The following SVEP1 variants were observed in gnomAD, a reference collection of about 807,000 sequenced individuals.
The protein encoded by SVEP1 is sushi, von Willebrand factor type A, EGF and pentraxin domain containing 1, also known as sushi, von Willebrand factor type A, EGF and pentraxin domain-containing protein 1.
Under a neutral mutation model 367.3 loss-of-function variants are expected in SVEP1, and 164 were observed. That is an observed-to-expected ratio of 0.45 (90% CI 0.39 to 0.51). The LOEUF is 0.51. Among genes scored for constraint, SVEP1 ranks in the 20% least tolerant of loss-of-function variants. The pLI, the probability that SVEP1 is intolerant of heterozygous loss-of-function variation, is 0.00. For synonymous variants in SVEP1, 1,666 were observed against 1,611.6 expected (o/e 1.03, Z -0.81); for missense variants, 4,117 against 4,425.3 (o/e 0.93, Z 1.98).
In SVEP1 at chr9:110,389,829, T is replaced by C. The variant is rs528029952; in HGVS notation, c.9823-242A>G. Among the ~76,000 whole-genome samples, 4 of 141,336 alleles carry C rather than the reference T, an allele frequency of 2.8e-5. No individual in the cohort carries two copies. In the East Asian group the frequency reaches 1.2e-3, roughly 42 times the overall value. The allele number at this position is 141,336 out of a possible 152,430, so 92.7% of individuals were successfully genotyped here. A position where few individuals can be genotyped will look rare whatever the true frequency, so the allele number is the denominator to read the frequency against. ...TAAGGTACAGACTTTGCTTCACCTT[T>C]TATTTTAAACGGCAACTAATTATAA... On this transcript the variant is annotated intron_variant, in intron 40 of 47. Transcript: ENST00000374469.
chr9:110,406,375 G>C lies in SVEP1; in HGVS notation c.9225C>G (p.Ile3075Met). The change falls in exon 38 of 48, where the codon ATC becomes ATG. Residue 3075 changes from isoleucine (I) to methionine (M), a missense_variant. By Grantham distance (10) the Ile-to-Met change is conservative. Transcript: ENST00000374469. Reference protein sequence around the residue: ...GSLPMIPNAFISETSSWKENV... With the variant: ...GSLPMIPNAFMSETSSWKENV... ...TTTCCTTCCAAGAGCTGGTCTCACT[G>C]ATGAACGCATTTGGTATCATTGGAA... The C allele has an allele frequency of 6.2e-7, 1 of 1,614,078 alleles. No individual in the cohort carries two copies. The highest frequency in any genetic ancestry group is 8.5e-7 in the Non-Finnish European group (1 of 1,179,906).
chr9:110,522,722 A>T (rs1171707279), intron 3 of SVEP1, among the ~76,000 whole-genome samples: 1 of 152,164 alleles, frequency 6.6e-6, no homozygotes, highest in East Asian at 1.9e-4. Context: ...TTTGGGTCCT[A>T]TAAAGAGTGG....
At chr9:110,525,460 ATTG>A (rs1829929059) in intron 3 of SVEP1, among the ~76,000 whole-genome samples, 1 of 152,210 alleles carries the variant, frequency 6.6e-6, no homozygotes, top group Non-Finnish European at 1.5e-5. Context: ...ATGTTTGTGG[ATTG>A]GAAAGTTCAA....
At chr9:110,473,296 TA>T (rs950938367) in intron 14 of SVEP1, among the ~76,000 whole-genome samples, 1 of 151,974 alleles carries the variant, frequency 6.6e-6, no homozygotes, top group South Asian at 2.1e-4. Context: ...GTAGCTGTTA[TA>T]AAAAAAATGA....
intron 14 of SVEP1, 168 bp downstream of exon 14, chr9:110,476,036 T>C (rs1212652900): frequency 2.0e-6 from 1 of 501,478 alleles, no homozygotes; most frequent in African/African-American, 2.0e-5. Flanking sequence ...TAAAATTTGA[T>C]ATAACCTTAA....
intron 10 of SVEP1, 90 bp downstream of exon 10, chr9:110,483,496 G>A: frequency 1.4e-6 from 1 of 727,374 alleles, no homozygotes. Context: ...GTTGTTATTT[G>A]CTTTTTCTCT....
rs115359845 is a variant in SVEP1, at chr9:110,445,839, G to A, written c.4461C>T (p.Asn1487=). 2.4e-3 allele frequency: 3,903 copies of A among 1,613,644 alleles called. 52 individuals are homozygous for A. Among genetic ancestry groups the A allele is most frequent in the South Asian group, 0.018 (1,659 of 91,072 alleles). ...GCCTTCCCGACACTTCTGCTTACCC[G>A]TTATAATCAGTCAGGAGCAAGGTAT... ...SDNTLLLTDY[N]GWVLYVNGRE... Residue 1487 remains asparagine, a splice_region_variant and synonymous_variant, in exon 26 of 48, where the codon AAC becomes AAT. Coordinates refer to ENST00000374469, the MANE Select transcript of SVEP1 (RefSeq NM_153366.4).
At chr9:110,414,675 A>T (rs1473413894) in intron 36 of SVEP1, among the ~76,000 whole-genome samples, 1 of 152,012 alleles carries the variant, frequency 6.6e-6, no homozygotes, top group African/African-American at 2.4e-5. Context: ...TGATTGACAC[A>T]CTGGGTAGAA....
intron 3 of SVEP1, among the ~76,000 whole-genome samples, chr9:110,531,202 T>C (rs1044200062): frequency 3.3e-5 from 5 of 152,220 alleles, no homozygotes; most frequent in African/African-American, 1.2e-4. Flanking sequence ...ATATTTCATA[T>C]ATAGTGATTT....
intron 3 of SVEP1, among the ~76,000 whole-genome samples, chr9:110,535,462 C>CTT (rs987058190): frequency 1.2e-4 from 18 of 152,040 alleles, no homozygotes; most frequent in Non-Finnish European, 2.6e-4. Context: ...ATGCGTCCAC[C>CTT]TTTTTTCTTT....
At chr9:110,389,491 A>G in intron 41 of SVEP1, 33 bp downstream of exon 41, 1 of 1,609,696 alleles carries the variant, frequency 6.2e-7, no homozygotes, top group Non-Finnish European at 8.5e-7. Context: ...CCTCAGTGTC[A>G]TTTTGGGGGC....
intron 40 of SVEP1, among the ~76,000 whole-genome samples, chr9:110,398,155 T>A (rs1185820593): frequency 1.3e-5 from 2 of 151,870 alleles, no homozygotes; most frequent in Non-Finnish European, 2.9e-5. Context: ...TATAGACCAA[T>A]GGAACAGAAC....
chr9:110,529,010 CTTAGAT>C (rs1461491356), intron 3 of SVEP1, among the ~76,000 whole-genome samples: 9 of 151,904 alleles, frequency 5.9e-5, no homozygotes, highest in Non-Finnish European at 4.4e-5. Flanking sequence ...GGTTTTAGAT[CTTAGAT>C]TTAAGTCTTT....
chr9:110,491,944 T>C (rs1829372673), intron 8 of SVEP1, among the ~76,000 whole-genome samples: 1 of 151,722 alleles, frequency 6.6e-6, no homozygotes, highest in Admixed American at 6.6e-5. Context: ...CTTAAACAAA[T>C]CCCAGATAAC....
Position 110,408,233 on chromosome 9 carries a change from A to T in SVEP1, c.7367T>A (p.Leu2456His), listed in dbSNP as rs1827986291. ...IPNGIIDVQG[L>H]AYLSTALYTC... Reference sequence around the variant, plus strand: ...ATAGAGAGCTGTGCTGAGATAGGCAAGGCCTTGCACATCAATGATTCCATT... The same window carrying T: ...ATAGAGAGCTGTGCTGAGATAGGCATGGCCTTGCACATCAATGATTCCATT... The change falls in exon 38 of 48, where the codon CTT (leucine) becomes CAT (histidine). Residue 2456 changes from leucine (L) to histidine (H), a missense_variant. By Grantham distance (99) the Leu-to-His change is moderately conservative (BLOSUM62 -3). Transcript: ENST00000374469. 6.2e-7 allele frequency: 1 copy of T among 1,613,912 alleles called. No individual in the cohort carries two copies. Among genetic ancestry groups the T allele is most frequent in the Non-Finnish European group, 8.5e-7 (1 of 1,179,910 alleles).
chr9:110,533,809 C>T (rs775505371), intron 3 of SVEP1, among the ~76,000 whole-genome samples: 1 of 152,188 alleles, frequency 6.6e-6, no homozygotes, highest in Non-Finnish European at 1.5e-5. Context: ...TGAACAATAA[C>T]CCCATGCAGG....
At chr9:110,423,168 T>TA in intron 36 of SVEP1, among the ~76,000 whole-genome samples, 80 of 103,626 alleles carry the variant, frequency 7.7e-4, no homozygotes, top group Middle Eastern at 5.7e-3. Flanking sequence ...AAAAATAAAG[T>TA]AAAAAAAAAA....
At chr9:110,514,418 C>A (rs1272988276) in intron 3 of SVEP1, among the ~76,000 whole-genome samples, 1 of 150,208 alleles carries the variant, frequency 6.7e-6, no homozygotes, top group Admixed American at 6.7e-5. Flanking sequence ...GAGGCCAAGG[C>A]AGGAGAATCG....
At chr9:110,383,970 A>AG (rs1827482612) in intron 43 of SVEP1, among the ~76,000 whole-genome samples, 2 of 151,168 alleles carry the variant, frequency 1.3e-5, no homozygotes, top group Non-Finnish European at 3.0e-5. Context: ...AGGGAAAAAA[A>AG]AATGGTAGAC....
Sources: allele counts gnomAD v4.1 joint callset (sites outside exome capture counted in the v4.1 genomes callset), GRCh38; gene constraint gnomAD v4.1.1; transcripts MANE v1.5; gene names NCBI Gene and HGNC (gene_info 2026-07-23, HGNC 2026-07-21).